Variants in TAP2 observed in about 807,000 individuals in gnomAD.
The protein encoded by TAP2 is antigen peptide transporter 2.
TAP2 carries 49 observed loss-of-function variants against 74.7 expected under a neutral mutation model. The ratio of observed to expected loss-of-function variants is 0.66; its 90% CI spans 0.52 to 0.83. TAP2 has a LOEUF of 0.83. Among genes scored for constraint, TAP2 ranks in the 40% least tolerant of loss-of-function variants. The pLI, the probability that TAP2 is intolerant of heterozygous loss-of-function variation, is 0.00. For missense variants in TAP2, 739 were observed against 859.0 expected, an observed-to-expected ratio of 0.86 and a Z score of 1.75; for synonymous variants, 306 against 368.4, an observed-to-expected ratio of 0.83 and a Z score of 1.94.
chr6:32,828,256 T>C lies in TAP2; in HGVS notation c.*650A>G. The C allele has an allele frequency of 1.0e-6, 1 of 984,296 alleles. No individual in the cohort carries two copies. Among genetic ancestry groups the C allele is most frequent in the Non-Finnish European group, 1.2e-6 (1 of 828,930 alleles). 61.0% of individuals were successfully genotyped at this position (984,296 alleles called of 1,614,324 possible). ...AGCTCCTACTCCCATTAAAACTCTA[T>C]AAATGGTAGCTGTTACCAATGTCGC... is the stretch of plus-strand genomic sequence containing the variant. On this transcript the variant is annotated 3_prime_UTR_variant, in exon 12 of 12. Transcript: ENST00000374897.
In TAP2 at chr6:32,828,845, C is replaced by A; in HGVS notation, c.*61G>T. The A allele has an allele frequency of 6.6e-7, 1 of 1,513,490 alleles. No homozygotes were observed. The highest frequency in any genetic ancestry group is 8.9e-7 in the Non-Finnish European group (1 of 1,123,642). The allele number at this position is 1,513,490 out of a possible 1,614,324, so 93.8% of individuals were successfully genotyped here. A position where few individuals can be genotyped will look rare whatever the true frequency, so the allele number is the denominator to read the frequency against. On this transcript the variant is annotated 3_prime_UTR_variant, in exon 12 of 12. Transcript: ENST00000374897. ...CGCCCCTGAGAAGAGGGCCCAGTAT[C>A]CCTGGGGCCTCAGTCCATCAGCCGC...
chr6:32,826,551 G>T lies in TAP2; in HGVS notation c.*2355C>A. 1.0e-6 allele frequency: 1 copy of T among 985,346 alleles called. No homozygotes were observed. Among genetic ancestry groups the T allele is most frequent in the Non-Finnish European group, 1.2e-6 (1 of 829,908 alleles). 61.0% of individuals were successfully genotyped at this position (985,346 alleles called of 1,614,324 possible). Reference sequence around the variant, plus strand: ...TTACAGGAATTTGTCTGTCTAGCCCGAATATTTTGACTTTCAGGGAGCATT... The same window carrying T: ...TTACAGGAATTTGTCTGTCTAGCCCTAATATTTTGACTTTCAGGGAGCATT... On this transcript the variant is annotated 3_prime_UTR_variant, in exon 12 of 12. Transcript: ENST00000374897.
chr6:32,822,976 G>A (rs992838959), downstream of TAP2, among the ~76,000 whole-genome samples: 4 of 143,448 alleles, frequency 2.8e-5, no homozygotes, highest in African/African-American at 1.1e-4. Context: ...CTGGAGTGCA[G>A]TGGTGCGATC....
chr6:32,835,804 G>A lies in TAP2; in HGVS notation c.609-31C>T. Reference sequence around the variant, plus strand: ...GGGTAGGAGAATAAGAGGGGAGGGAGATGCAGAGAAGGAGCAAGCCAGCGG... The same window carrying A: ...GGGTAGGAGAATAAGAGGGGAGGGAAATGCAGAGAAGGAGCAAGCCAGCGG... On this transcript the variant is annotated intron_variant, in intron 3 of 11. Coordinates refer to ENST00000374897, the MANE Select transcript of TAP2 (RefSeq NM_001290043.2). The surrounding 1 kb of genome is among the most constrained non-coding windows in gnomAD (Gnocchi z 4.0). 6.2e-7 allele frequency: 1 copy of A among 1,613,070 alleles called. No individual in the cohort carries two copies. Among genetic ancestry groups the A allele is most frequent in the Non-Finnish European group, 8.5e-7 (1 of 1,179,910 alleles).
intron 5 of TAP2, among the ~76,000 whole-genome samples, chr6:32,833,425 A>G (rs1769219844): frequency 6.6e-6 from 1 of 152,210 alleles, no homozygotes; most frequent in Non-Finnish European, 1.5e-5. Context: ...TAGGCAAAAC[A>G]TATAGTGAAC....
Position 32,838,065 on chromosome 6 carries a change from C to CT in TAP2, c.168dup (p.Gly57ArgfsTer110). ...AGTGTCCCCACAAATCCCAGCAGCC[C>CT]TCTTAGCTTTAGCAGCCCCCACAGC... On this transcript the variant is annotated frameshift_variant, in exon 2 of 12. Coordinates refer to ENST00000374897, the MANE Select transcript of TAP2 (RefSeq NM_001290043.2). LOFTEE classifies it high-confidence loss of function. The CT allele has an allele frequency of 6.2e-7, 1 of 1,612,390 alleles. No individual in the cohort carries two copies.
At chr6:32,834,680 A>G (rs1023099751) in intron 5 of TAP2, among the ~76,000 whole-genome samples, 2 of 152,234 alleles carry the variant, frequency 1.3e-5, no homozygotes, top group Admixed American at 6.5e-5. Context: ...TATAAGAGAA[A>G]AAGAGAAGGT....
intron 11 of TAP2, among the ~76,000 whole-genome samples, 155 bp from the exon 12 acceptor site, chr6:32,829,189 C>T (rs1031656032): frequency 1.3e-5 from 2 of 152,154 alleles, no homozygotes; most frequent in African/African-American, 4.8e-5. Context: ...CCTTCTCTCC[C>T]GGCTGTACTG....
Position 32,835,451 on chromosome 6 carries a change from C to G in TAP2, c.740-92G>C, listed in dbSNP as rs1490214703. 1 of 1,474,632 alleles carries G rather than the reference C, an allele frequency of 6.8e-7. No individual in the cohort carries two copies. The highest frequency in any genetic ancestry group is 9.4e-7 in the Non-Finnish European group (1 of 1,065,128). 91.3% of individuals were successfully genotyped at this position (1,474,632 alleles called of 1,614,324 possible). ...TCCTGACCGTTCCCTCTGACACAGC[C>G]CCCTCCTCTGAACATCCTCCTTCAC... is the stretch of plus-strand genomic sequence containing the variant. On this transcript the variant is annotated intron_variant, in intron 4 of 11. Coordinates refer to ENST00000374897, the MANE Select transcript of TAP2 (RefSeq NM_001290043.2). The surrounding 1 kb of genome is among the most constrained non-coding windows in gnomAD (Gnocchi z 4.0).
chr6:32,835,781 G>T lies in TAP2; in HGVS notation c.609-8C>A. ...CAGCCTGCAGACAGTGAGCTGTGGG[G>T]TAGGAGAATAAGAGGGGAGGGAGAT... On this transcript the variant is annotated splice_polypyrimidine_tract_variant and splice_region_variant and intron_variant, in intron 3 of 11. Transcript: ENST00000374897. This position sits in a 1 kb window ranked among gnomAD's most constrained non-coding sequence, Gnocchi z 4.0. 6.2e-7 allele frequency: 1 copy of T among 1,613,152 alleles called. No individual in the cohort carries two copies. The highest frequency in any genetic ancestry group is 8.5e-7 in the Non-Finnish European group (1 of 1,180,022).
chr6:32,834,339 T>C lies in TAP2; in HGVS notation c.945+815A>G, dbSNP rs543065370. On this transcript the variant is annotated intron_variant, in intron 5 of 11. Coordinates refer to ENST00000374897, the MANE Select transcript of TAP2 (RefSeq NM_001290043.2). ...GGAAATTCTAACACATGCTACAATATGGATGAGGCCTGAAGACATTACGCT... is the reference window on the plus strand; with the variant it reads ...GGAAATTCTAACACATGCTACAATACGGATGAGGCCTGAAGACATTACGCT... Among the ~76,000 whole-genome samples the C allele has an allele frequency of 1.7e-3, 258 of 152,318 alleles. 1 individual carries two copies. Among genetic ancestry groups the C allele is most frequent in the African/African-American group, 5.9e-3 (246 of 41,570 alleles).
chr6:32,838,208 C>A lies in TAP2; in HGVS notation c.26G>T (p.Trp9Leu). ...CGCGTCCACCAGCAGCAGGGAGGTC[C>A]AGGGTCTCAGGTCAGGGAGCCGCAT... MRLPDLRP[W>L]TSLLLVDAAL... Residue 9 changes from tryptophan to leucine, a missense_variant, in exon 2 of 12, where the codon TGG becomes TTG. Coordinates refer to ENST00000374897, the MANE Select transcript of TAP2 (RefSeq NM_001290043.2). The A allele has an allele frequency of 6.3e-7, 1 of 1,584,210 alleles. No homozygotes were observed. The highest frequency in any genetic ancestry group is 8.6e-7 in the Non-Finnish European group (1 of 1,166,742).
In TAP2 at chr6:32,830,425, G is replaced by A. The variant is rs780742992; in HGVS notation, c.1477C>T (p.Leu493=). Residue 493 remains leucine (L), a synonymous_variant, in exon 9 of 12, where the codon CTA becomes TTA. Coordinates refer to ENST00000374897, the MANE Select transcript of TAP2 (RefSeq NM_001290043.2). ...AGCGCCGTCACCTCACCAGGACGTA[G>A]GGTAAACGTCAGCCCCTAGAAAACC... ...RPVLKGLTFT[L]RPGEVTALVG... The A allele has an allele frequency of 1.9e-6, 3 of 1,612,988 alleles. No homozygotes were observed. The highest frequency in any genetic ancestry group is 1.3e-5 in the African/African-American group (1 of 75,048).
intron 8 of TAP2, 28 bp from the exon 9 acceptor site, chr6:32,830,468 C>G (rs1184444873): frequency 1.2e-6 from 2 of 1,601,716 alleles, no homozygotes; most frequent in Non-Finnish European, 1.7e-6. Flanking sequence ...GAGTTAAGGG[C>G]CTGCCCCTTC....
chr6:32,826,388 T>G lies in TAP2; in HGVS notation c.*2518A>C. On this transcript the variant is annotated 3_prime_UTR_variant, in exon 12 of 12. Coordinates refer to ENST00000374897, the MANE Select transcript of TAP2 (RefSeq NM_001290043.2). ...ATAAGGCATGCCTGGGTGGGAAAGATACTGCAGGTAAGCGACAAGAAGGGG... is the reference window on the plus strand; with the variant it reads ...ATAAGGCATGCCTGGGTGGGAAAGAGACTGCAGGTAAGCGACAAGAAGGGG... The G allele has an allele frequency of 1.0e-6, 1 of 985,388 alleles. No individual in the cohort carries two copies. 61.0% of individuals were successfully genotyped at this position (985,388 alleles called of 1,614,324 possible). A position where few individuals can be genotyped will look rare whatever the true frequency, so the allele number is the denominator to read the frequency against.
At chr6:32,822,381 A>G (rs1768338882), downstream of TAP2, 1 of 1,081,314 alleles carries the variant, frequency 9.2e-7, no homozygotes, top group Non-Finnish European at 1.3e-6. Flanking sequence ...CTGTGCTAGA[A>G]TCTGTTTGCA....
rs564348550 is a variant in TAP2 at position 32,826,606 on chromosome 6, G to A, written c.*2300C>T. ...TGTGTCCCTGACATAAAGCCTACCT[G>A]GGAGTTTCCCCTGAGATAAGAAACT... On this transcript the variant is annotated 3_prime_UTR_variant, in exon 12 of 12. Coordinates refer to ENST00000374897, the MANE Select transcript of TAP2 (RefSeq NM_001290043.2). 4.1e-6 allele frequency: 4 copies of A among 985,354 alleles called. No individual in the cohort carries two copies. The East Asian group carries it at 3.4e-4, about 84-fold the overall frequency. The allele number at this position is 985,354 out of a possible 1,614,324, so 61.0% of individuals were successfully genotyped here. A position where few individuals can be genotyped will look rare whatever the true frequency, so the allele number is the denominator to read the frequency against.
chr6:32,825,196 T>C (rs1894411), downstream of TAP2, among the ~76,000 whole-genome samples: 24,649 of 150,666 alleles, frequency 0.16, 2,550 homozygotes, highest in African/African-American at 0.28. Flanking sequence ...TAAATTAATA[T>C]AGCCTCTATG....
chr6:32,832,178 T>C lies in TAP2; in HGVS notation c.1272+155A>G, dbSNP rs1290081740. 6.9e-6 allele frequency: 7 copies of C among 1,013,018 alleles called. No homozygotes were observed. In the East Asian group the frequency reaches 1.0e-4, roughly 15 times the overall value. 62.8% of individuals were successfully genotyped at this position (1,013,018 alleles called of 1,614,324 possible). On this transcript the variant is annotated intron_variant, in intron 7 of 11. Transcript: ENST00000374897. The surrounding 1 kb of genome is among the most constrained non-coding windows in gnomAD (Gnocchi z 5.9). ...GAGTTTGTAATATTATTTTGTCTCA[T>C]TTTTGGCATATGTTTAAAATTCTCC...
Sources: gnomAD v4.1 joint callset for allele counts (sites outside exome capture counted in the v4.1 genomes callset) on GRCh38, gnomAD v4.1.1 for gene constraint, Gnocchi (gnomAD v3.1) non-coding constraint, MANE v1.5 for transcripts, NCBI Gene and HGNC (gene_info 2026-07-23, HGNC 2026-07-21) for gene names.